Variants in AKAP8 observed in about 807,000 individuals in gnomAD.
The protein encoded by AKAP8 is A-kinase anchor protein 8.
In AKAP8, 24 loss-of-function variants were observed where a neutral mutation model predicts 67.5. That is an observed-to-expected ratio of 0.36 (90% CI 0.26 to 0.50). AKAP8 has a LOEUF of 0.50. Ranked by LOEUF, AKAP8 falls within the 20% of genes least tolerant of loss-of-function variation. The pLI is 0.97. For missense variants in AKAP8, 971 were observed against 955.9 expected, an observed-to-expected ratio of 1.02 and a Z score of -0.21; for synonymous variants, 400 against 371.1, an observed-to-expected ratio of 1.08 and a Z score of -0.90.
At position 15,377,028 on chromosome 19, in the gene AKAP8, C is replaced by T. The variant is rs1568255555; in HGVS notation, c.20-14G>A. 6.2e-7 allele frequency: 1 copy of T among 1,612,438 alleles called. No individual in the cohort carries two copies. The highest frequency in any genetic ancestry group is 8.5e-7 in the Non-Finnish European group (1 of 1,179,402). ...ACGCCCCGTAGCCTGCAAGAAGACCCCGTGAGTTAAAATTCTATTTGTCAC... is the reference window on the plus strand; with the variant it reads ...ACGCCCCGTAGCCTGCAAGAAGACCTCGTGAGTTAAAATTCTATTTGTCAC... On this transcript the variant is annotated splice_polypyrimidine_tract_variant and intron_variant, in intron 1 of 13. Coordinates refer to ENST00000269701, the MANE Select transcript of AKAP8 (RefSeq NM_005858.4).
In AKAP8 at chr19:15,362,134, G is replaced by A. The variant is rs200403718; in HGVS notation, c.1278C>T (p.Pro426=). The part of the protein sequence containing the change: ...ETLRFISTKL[P]DKTVEFLQEY... The stretch of plus-strand genomic sequence containing the variant: ...CCTGGAGGAACTCCACGGTCTTGTC[G>A]GGCAGCTTGGTGCTTATGAACCGCA... The change falls in exon 10 of 14, where the codon CCC becomes CCT. Residue 426 remains proline, a synonymous_variant. Coordinates refer to ENST00000269701, the MANE Select transcript of AKAP8 (RefSeq NM_005858.4). 1.4e-5 allele frequency: 22 copies of A among 1,614,050 alleles called. No individual in the cohort carries two copies. In the East Asian group the frequency reaches 3.1e-4, roughly 23 times the overall value.
intron 9 of AKAP8, among the ~76,000 whole-genome samples, chr19:15,363,303 G>A (rs1371324702): frequency 6.8e-6 from 1 of 147,956 alleles, no homozygotes; most frequent in African/African-American, 2.5e-5. Context: ...GCCCCTACTG[G>A]GAAGTGAGGA....
At chr19:15,361,324 G>A in intron 11 of AKAP8, 1 of 223,262 alleles carries the variant, frequency 4.5e-6, no homozygotes, top group Non-Finnish European at 8.8e-6. Flanking sequence ...CACCTTCTCA[G>A]CCAACTTGGG....
At chr19:15,378,310 GCTT>G (rs1967291540) in intron 1 of AKAP8, among the ~76,000 whole-genome samples, 1 of 152,174 alleles carries the variant, frequency 6.6e-6, no homozygotes, top group Admixed American at 6.5e-5. Context: ...TCGAGAGACT[GCTT>G]CTCTGTGAAG....
chr19:15,374,683 C>A, intron 2 of AKAP8, 48 bp from the exon 3 acceptor site: 1 of 1,606,260 alleles, frequency 6.2e-7, no homozygotes, highest in Non-Finnish European at 8.5e-7. Context: ...AGAACGAAGG[C>A]ACTGACACCC....
chr19:15,368,060 C>T (rs1394965440), intron 9 of AKAP8, among the ~76,000 whole-genome samples, 175 bp downstream of exon 9: 2 of 152,240 alleles, frequency 1.3e-5, no homozygotes, highest in South Asian at 2.1e-4. Context: ...GCTGGGAGCA[C>T]GAGTGATGGT....
chr19:15,365,878 CT>C (rs1019735990), intron 9 of AKAP8, among the ~76,000 whole-genome samples: 1 of 151,868 alleles, frequency 6.6e-6, no homozygotes, highest in Non-Finnish European at 1.5e-5. Context: ...CAAAAATTAG[CT>C]GGGTGTGGTG....
At position 15,372,272 on chromosome 19, in the gene AKAP8, C is replaced by A. The variant is rs371432747; in HGVS notation, c.937G>T (p.Glu313Ter). 1 of 1,614,192 alleles carries A rather than the reference C, an allele frequency of 6.2e-7. No homozygotes were observed. The highest frequency in any genetic ancestry group is 2.2e-5 in the East Asian group (1 of 44,884). Reference protein sequence around the residue: ...RKRKQFQLYEEPDTKLARVDS... With the variant: ...RKRKQFQLYE ...ACCCGGGCCAGTTTGGTGTCTGGCT[C>A]CTCGTAAAGTTGGAACTGCTTCCGT... The change falls in exon 6 of 14, where the codon GAG becomes TAG. Residue 313 changes from glutamate to a stop codon, truncating the protein, a stop_gained. Coordinates refer to ENST00000269701, the MANE Select transcript of AKAP8 (RefSeq NM_005858.4). LOFTEE classifies it high-confidence loss of function.
intron 12 of AKAP8, among the ~76,000 whole-genome samples, chr19:15,359,689 GGAGT>G (rs1966934146): frequency 6.6e-6 from 1 of 150,842 alleles, no homozygotes; most frequent in African/African-American, 2.4e-5. Context: ...CCTGGGCAAT[GGAGT>G]GAGACTCTGT....
In AKAP8 at chr19:15,362,509, C is replaced by T. The variant is rs533981378; in HGVS notation, c.1161-258G>A. On this transcript the variant is annotated intron_variant, in intron 9 of 13. Transcript: ENST00000269701. ...ACTGCCTGCGATTGCAGGCGCGCGC[C>T]GCCACGCCTGACTGGTTTTCGTATT... Among the ~76,000 whole-genome samples the T allele has an allele frequency of 6.7e-3, 1,015 of 152,072 alleles. 6 individuals carry two copies. Among genetic ancestry groups the T allele is most frequent in the Non-Finnish European group, 7.8e-3 (533 of 67,972 alleles).
At position 15,379,733 on chromosome 19, in the gene AKAP8, T is replaced by A. The variant is rs775142597; in HGVS notation, c.-2A>T. ...CAAACCTCCGTAGCCCTGGTCCATGTCTTCGACGCGGCCCACCAGCAGCCC... is the reference window on the plus strand; with the variant it reads ...CAAACCTCCGTAGCCCTGGTCCATGACTTCGACGCGGCCCACCAGCAGCCC... On this transcript the variant is annotated 5_prime_UTR_variant, in exon 1 of 14. Coordinates refer to ENST00000269701, the MANE Select transcript of AKAP8 (RefSeq NM_005858.4). 3.7e-6 allele frequency: 6 copies of A among 1,611,794 alleles called. No individual in the cohort carries two copies. The highest frequency in any genetic ancestry group is 4.2e-6 in the Non-Finnish European group (5 of 1,179,164).
chr19:15,354,860 G>A lies in AKAP8; in HGVS notation c.*55C>T, dbSNP rs1194156858. 6.3e-7 allele frequency: 1 copy of A among 1,587,634 alleles called. No homozygotes were observed. Among genetic ancestry groups the A allele is most frequent in the African/African-American group, 1.3e-5 (1 of 74,558 alleles). ...CTTGTACTGCTTACAAACCAAGGGA[G>A]AAAGACCAACGCATCCATCATCCCA... On this transcript the variant is annotated 3_prime_UTR_variant, in exon 14 of 14. Coordinates refer to ENST00000269701, the MANE Select transcript of AKAP8 (RefSeq NM_005858.4).
rs756024480 is a variant in AKAP8 at position 15,373,221 on chromosome 19, C to T, written c.491G>A (p.Gly164Asp). 2 of 1,614,000 alleles carry T rather than the reference C, an allele frequency of 1.2e-6. No homozygotes were observed. The highest frequency in any genetic ancestry group is 1.3e-5 in the African/African-American group (1 of 75,066). ...YEFDLGSDRN[G>D]SFGGQYSECR... ...TTCACTGTACTGCCCCCCAAAGCTG[C>T]CATTGCGGTCGGACCCCAGGTCGAA... Residue 164 changes from glycine to aspartate, a missense_variant, in exon 5 of 14, where the codon GGC becomes GAC. Physicochemically the swap from Gly to Asp is moderately conservative, Grantham distance 94. Coordinates refer to ENST00000269701, the MANE Select transcript of AKAP8 (RefSeq NM_005858.4).
At chr19:15,372,805 A>G (rs781256000) in intron 5 of AKAP8, 46 bp downstream of exon 5, 2 of 1,476,742 alleles carry the variant, frequency 1.4e-6, no homozygotes, top group East Asian at 2.4e-5. Context: ...TAAAGCTGCT[A>G]AAAAGAGAAG....
At chr19:15,368,828 G>A (rs1035977868) in intron 8 of AKAP8, 18 of 985,134 alleles carry the variant, frequency 1.8e-5, no homozygotes, top group Non-Finnish European at 1.9e-5. Flanking sequence ...AGGTCTGACA[G>A]TCCTTGCTGG....
intron 9 of AKAP8, among the ~76,000 whole-genome samples, chr19:15,364,496 G>A (rs879889724): frequency 2.6e-4 from 39 of 152,206 alleles, no homozygotes; most frequent in African/African-American, 7.5e-4. Flanking sequence ...GATTACAGGC[G>A]CCCACCACCA....
At position 15,376,063 on chromosome 19, in the gene AKAP8, G is replaced by A. The variant is rs566295861; in HGVS notation, c.58+913C>T. Among the ~76,000 whole-genome samples, 7 of 152,066 alleles carry A rather than the reference G, an allele frequency of 4.6e-5. 1 individual carries two copies. The highest frequency in any genetic ancestry group is 1.7e-4 in the African/African-American group (7 of 41,470). ...TCCTATCTCAGCCTTCTGAGTGGCC[G>A]GGACTACAGGCACGCACTGCCACGC... is the stretch of plus-strand genomic sequence containing the variant. On this transcript the variant is annotated intron_variant, in intron 2 of 13. Coordinates refer to ENST00000269701, the MANE Select transcript of AKAP8 (RefSeq NM_005858.4).
At position 15,356,123 on chromosome 19, in the gene AKAP8, G is replaced by A. The variant is rs1420596291; in HGVS notation, c.1624-753C>T. On this transcript the variant is annotated intron_variant, in intron 13 of 13. Coordinates refer to ENST00000269701, the MANE Select transcript of AKAP8 (RefSeq NM_005858.4). ...GTTTTTTAAAAAAGGGCATGAGGCCGGGCGTGATGGCTCACACCTGTAATC... is the reference window on the plus strand; with the variant it reads ...GTTTTTTAAAAAAGGGCATGAGGCCAGGCGTGATGGCTCACACCTGTAATC... Among the ~76,000 whole-genome samples, 10 of 152,218 alleles carry A rather than the reference G, an allele frequency of 6.6e-5. No individual in the cohort carries two copies. In the East Asian group the frequency reaches 9.7e-4, roughly 15 times the overall value.
In AKAP8 at chr19:15,371,948, T is replaced by G. The variant is rs937138043; in HGVS notation, c.1038+4A>C. The G allele has an allele frequency of 3.1e-6, 5 of 1,613,884 alleles. No individual in the cohort carries two copies. Among genetic ancestry groups the G allele is most frequent in the African/African-American group, 1.3e-5 (1 of 74,898 alleles). On this transcript the variant is annotated splice_donor_region_variant and intron_variant, in intron 7 of 13. Transcript: ENST00000269701. ...GAGGCAAAAGGGCTGCCTGGTGGAC[T>G]TACACCCTTGAATTCTTCATCTCCT...
Sources: gnomAD v4.1 joint callset for allele counts (sites outside exome capture counted in the v4.1 genomes callset) on GRCh38, gnomAD v4.1.1 for gene constraint, MANE v1.5 for transcripts, NCBI Gene and HGNC (gene_info 2026-07-23, HGNC 2026-07-21) for gene names.